Variants in PCDH9 observed in about 807,000 individuals in gnomAD.
PCDH9 encodes protocadherin 9.
In PCDH9, 24 loss-of-function variants were observed where a neutral mutation model predicts 70.6. That is an observed-to-expected ratio of 0.34 (90% CI 0.25 to 0.48). The LOEUF is 0.48. Among genes scored for constraint, PCDH9 ranks in the 20% least tolerant of loss-of-function variants. The pLI, the probability that PCDH9 is intolerant of heterozygous loss-of-function variation, is 0.99. For synonymous variants in PCDH9, 562 were observed against 558.5 expected (o/e 1.01, Z -0.09); for missense variants, 1,281 against 1,503.6 (o/e 0.85, Z 2.45).
At chr13:66,610,050 C>T (rs1003605132) in intron 4 of PCDH9, among the ~76,000 whole-genome samples, 2 of 151,108 alleles carry the variant, frequency 1.3e-5, no homozygotes, top group African/African-American at 2.4e-5. Flanking sequence ...CTCCGCCTCC[C>T]GGGTTCACGC....
chr13:66,561,096 G>T (rs535987116), intron 4 of PCDH9, among the ~76,000 whole-genome samples: 4 of 152,216 alleles, frequency 2.6e-5, no homozygotes, highest in Admixed American at 6.5e-5. Flanking sequence ...CGGGCTGCGC[G>T]TGGTGCTTGT....
rs115364457 is a variant in PCDH9, at chr13:66,871,697, C to T, written c.3138+31807G>A. Among the ~76,000 whole-genome samples, 910 of 152,216 alleles carry T rather than the reference C, an allele frequency of 6.0e-3. 8 individuals carry two copies. The highest frequency in any genetic ancestry group is 0.021 in the African/African-American group (863 of 41,550). ...CTACCGTACATGTATGGCACTGTCACTAACAGCTTAATGTTTACATTATAT... is the reference window on the plus strand; with the variant it reads ...CTACCGTACATGTATGGCACTGTCATTAACAGCTTAATGTTTACATTATAT... On this transcript the variant is annotated intron_variant, in intron 3 of 4. Coordinates refer to ENST00000377865, the MANE Select transcript of PCDH9 (RefSeq NM_203487.3).
At chr13:66,837,032 A>G (rs1302328045) in intron 3 of PCDH9, among the ~76,000 whole-genome samples, 1 of 152,158 alleles carries the variant, frequency 6.6e-6, no homozygotes, top group Non-Finnish European at 1.5e-5. Flanking sequence ...GCATCCACAT[A>G]AGAGACCACC....
chr13:66,532,635 T>C (rs1419971598), intron 4 of PCDH9, among the ~76,000 whole-genome samples: 2 of 152,130 alleles, frequency 1.3e-5, no homozygotes, highest in Non-Finnish European at 1.5e-5. Context: ...CTCTGACTCC[T>C]GGGTTCAAGC....
chr13:66,466,835 G>C (rs1411764590), intron 4 of PCDH9, among the ~76,000 whole-genome samples: 2 of 151,962 alleles, frequency 1.3e-5, no homozygotes, highest in Admixed American at 1.3e-4. Flanking sequence ...TAAGTGATTG[G>C]GAAACACACA....
chr13:66,754,030 T>C (rs538823422), intron 3 of PCDH9, among the ~76,000 whole-genome samples: 6 of 152,342 alleles, frequency 3.9e-5, no homozygotes, highest in African/African-American at 1.4e-4. Flanking sequence ...TAGCCATTTC[T>C]TTCTGAACCT....
At chr13:66,326,181 C>G (rs548558778) in intron 4 of PCDH9, among the ~76,000 whole-genome samples, 1 of 152,150 alleles carries the variant, frequency 6.6e-6, no homozygotes, top group African/African-American at 2.4e-5. Context: ...CTTTATATGG[C>G]TTAAACCAGG....
chr13:66,678,219 T>A lies in PCDH9; in HGVS notation c.3139-46808A>T, dbSNP rs189169975. On this transcript the variant is annotated intron_variant, in intron 3 of 4. Coordinates refer to ENST00000377865, the MANE Select transcript of PCDH9 (RefSeq NM_203487.3). Reference sequence around the variant, plus strand: ...CTTAGCTTTCTCTTGGTTTCCTTTATCTTTTCATTCTTTTCATTAGTTTCA... The same window carrying A: ...CTTAGCTTTCTCTTGGTTTCCTTTAACTTTTCATTCTTTTCATTAGTTTCA... 1.6e-4 allele frequency among the ~76,000 whole-genome samples: 24 copies of A among 152,222 alleles called. 1 individual carries two copies. In the East Asian group the frequency reaches 3.7e-3, roughly 23 times the overall value.
chr13:67,224,222 A>G (rs530084030), intron 2 of PCDH9: 2 of 152,362 alleles, frequency 1.3e-5, no homozygotes, highest in Admixed American at 1.3e-4. Context: ...CAAAGACAGA[A>G]CTAGCATTAC....
At chr13:66,984,146 A>T (rs1413387974) in intron 2 of PCDH9, among the ~76,000 whole-genome samples, 1 of 152,158 alleles carries the variant, frequency 6.6e-6, no homozygotes. Context: ...ATGAAATTGT[A>T]ACTTTATCAA....
chr13:66,790,644 C>T (rs545277088), intron 3 of PCDH9, among the ~76,000 whole-genome samples: 2 of 152,114 alleles, frequency 1.3e-5, no homozygotes, highest in African/African-American at 4.8e-5. Context: ...ATAACCAACT[C>T]TTTCATCAAT....
rs138922794 is a variant in PCDH9 at position 67,081,300 on chromosome 13, G to A, written c.3036+144105C>T. On this transcript the variant is annotated intron_variant, in intron 2 of 4. Coordinates refer to ENST00000377865, the MANE Select transcript of PCDH9 (RefSeq NM_203487.3). ...AACAGTTAATAAGGCTGGGCGCAGT[G>A]GCTCACACCTGTAATCCCAGCACTT... Among the ~76,000 whole-genome samples, 1,177 of 152,274 alleles carry A rather than the reference G, an allele frequency of 7.7e-3. 20 individuals are homozygous for A. Among genetic ancestry groups the A allele is most frequent in the African/African-American group, 0.026 (1,093 of 41,536 alleles).
At chr13:66,849,863 AC>A (rs2081286049) in intron 3 of PCDH9, among the ~76,000 whole-genome samples, 1 of 152,066 alleles carries the variant, frequency 6.6e-6, no homozygotes, top group Non-Finnish European at 1.5e-5. Context: ...ACGATGACTG[AC>A]CTTGGTGCTG....
chr13:66,766,670 T>C (rs2139263715), intron 3 of PCDH9, among the ~76,000 whole-genome samples: 1 of 151,792 alleles, frequency 6.6e-6, no homozygotes, highest in South Asian at 2.1e-4. Context: ...AGGAGAGGGA[T>C]CAGAGTACTA....
intron 3 of PCDH9, among the ~76,000 whole-genome samples, chr13:66,899,849 G>A (rs944708231): frequency 6.6e-6 from 1 of 151,954 alleles, no homozygotes; most frequent in African/African-American, 2.4e-5. Context: ...ACTTAAACAT[G>A]ACAGTTTAAA....
chr13:66,363,326 T>C (rs1028957991), intron 4 of PCDH9, among the ~76,000 whole-genome samples: 2 of 152,186 alleles, frequency 1.3e-5, no homozygotes, highest in Admixed American at 6.5e-5. Flanking sequence ...TAGGATACAA[T>C]ATATTCTCTT....
intron 4 of PCDH9, among the ~76,000 whole-genome samples, chr13:66,573,462 T>C (rs895554547): frequency 6.6e-6 from 1 of 152,124 alleles, no homozygotes; most frequent in African/African-American, 2.4e-5. Flanking sequence ...CAATTAAAAC[T>C]CAATTCAGCT....
chr13:67,177,018 C>A (rs1255190696), intron 2 of PCDH9, among the ~76,000 whole-genome samples: 1 of 152,016 alleles, frequency 6.6e-6, no homozygotes, highest in Non-Finnish European at 1.5e-5. Flanking sequence ...AAGCAATAAG[C>A]ATTGCTACCT....
chr13:66,987,673 T>A (rs2083920080), intron 2 of PCDH9, among the ~76,000 whole-genome samples: 1 of 147,884 alleles, frequency 6.8e-6, no homozygotes, highest in South Asian at 2.3e-4. Context: ...TACAGCTTCA[T>A]GATTAGAAAA....
Sources: gnomAD v4.1 joint callset for allele counts (sites outside exome capture counted in the v4.1 genomes callset) on GRCh38, gnomAD v4.1.1 for gene constraint, MANE v1.5 for transcripts, NCBI Gene and HGNC (gene_info 2026-07-23, HGNC 2026-07-21) for gene names.